PLD5: variants seen among roughly 807,000 people sequenced by gnomAD.
PLD5 encodes the protein phospholipase D family member 5, also known as inactive phospholipase D5.
Under a neutral mutation model 61.1 loss-of-function variants are expected in PLD5, and 36 were observed. The ratio of observed to expected loss-of-function variants is 0.59; its 90% CI spans 0.45 to 0.78. The LOEUF is 0.78. Among genes scored for constraint, PLD5 ranks in the 30% least tolerant of loss-of-function variants. PLD5 has a pLI of 0.00. For synonymous variants in PLD5, 243 were observed against 242.8 expected (o/e 1.00, Z -0.01); for missense variants, 515 against 644.4 (o/e 0.80, Z 2.17).
Position 242,220,033 on chromosome 1 carries a change from G to A in PLD5, c.690C>T (p.His230=), listed in dbSNP as rs751723743. ...QSSFWIVDKQ[H]VYIGSAGLDW... is the part of the protein sequence containing the mutation. ...CCAAACCGGCACTGCCGATATACACGTGCTGTTTGTCCACGATCCAGAAGG... is the reference window on the plus strand; with the variant it reads ...CCAAACCGGCACTGCCGATATACACATGCTGTTTGTCCACGATCCAGAAGG... The change falls in exon 5 of 10, where the codon CAC becomes CAT. Residue 230 remains histidine (H), a synonymous_variant. Transcript: ENST00000536534. 56 of 1,614,044 alleles carry A rather than the reference G, an allele frequency of 3.5e-5. No individual in the cohort carries two copies. Among genetic ancestry groups the A allele is most frequent in the Middle Eastern group, 3.3e-4 (2 of 6,080 alleles).
intron 1 of PLD5, among the ~76,000 whole-genome samples, chr1:242,415,505 A>G (rs1333892793): frequency 6.9e-6 from 1 of 144,032 alleles, no homozygotes; most frequent in Non-Finnish European, 1.5e-5. Flanking sequence ...AGAATAAGCC[A>G]TAAAGATTTT....
At chr1:242,314,668 C>A (rs767951913) in intron 2 of PLD5, among the ~76,000 whole-genome samples, 2 of 152,146 alleles carry the variant, frequency 1.3e-5, no homozygotes, top group Admixed American at 1.3e-4. Context: ...TGGAATAGCT[C>A]TGCTTTTCTG....
At chr1:242,438,264 A>T (rs1438153944) in intron 1 of PLD5, among the ~76,000 whole-genome samples, 70 of 138,760 alleles carry the variant, frequency 5.0e-4, no homozygotes, top group South Asian at 9.4e-4. Flanking sequence ...AGAAAAAAAA[A>T]TTTTTTTTTT....
At chr1:242,158,088 CTTTG>C (rs763257655) in intron 5 of PLD5, among the ~76,000 whole-genome samples, 2 of 152,206 alleles carry the variant, frequency 1.3e-5, no homozygotes, top group Non-Finnish European at 2.9e-5. Flanking sequence ...TTCTGGACAG[CTTTG>C]TTTGTTTACA....
chr1:242,310,000 AGTCTTC>A (rs1327942608), intron 2 of PLD5, among the ~76,000 whole-genome samples: 2 of 151,726 alleles, frequency 1.3e-5, no homozygotes, highest in Non-Finnish European at 2.9e-5. Context: ...GTGGGTTTTC[AGTCTTC>A]ACACTTAAAT....
chr1:242,329,500 A>G (rs1659037112), intron 2 of PLD5, among the ~76,000 whole-genome samples: 2 of 152,154 alleles, frequency 1.3e-5, no homozygotes, highest in Admixed American at 6.6e-5. Flanking sequence ...GCTTCTGGTC[A>G]TCTCCACTCA....
intron 1 of PLD5, among the ~76,000 whole-genome samples, chr1:242,451,872 C>T (rs893542879): frequency 2.0e-5 from 3 of 152,162 alleles, no homozygotes; most frequent in Non-Finnish European, 4.4e-5. Flanking sequence ...CCACCATGCT[C>T]CTGCTAGTAC....
chr1:242,180,893 G>A (rs1667474197), intron 5 of PLD5, among the ~76,000 whole-genome samples: 1 of 152,094 alleles, frequency 6.6e-6, no homozygotes, highest in African/African-American at 2.4e-5. Context: ...TGAGGCAGGA[G>A]GGTCACCTGA....
At chr1:242,300,059 A>G (rs1445238573) in intron 2 of PLD5, among the ~76,000 whole-genome samples, 1 of 152,260 alleles carries the variant, frequency 6.6e-6, no homozygotes, top group Admixed American at 6.5e-5. Context: ...AATGCCAGCC[A>G]GGAAAGCCCC....
intron 1 of PLD5, among the ~76,000 whole-genome samples, chr1:242,389,756 G>T (rs1662815975): frequency 6.6e-6 from 1 of 151,992 alleles, no homozygotes; most frequent in South Asian, 2.1e-4. Flanking sequence ...ATTCATGAGG[G>T]ATTAATAAAC....
At chr1:242,299,231 T>C (rs993196827) in intron 2 of PLD5, among the ~76,000 whole-genome samples, 10 of 152,214 alleles carry the variant, frequency 6.6e-5, no homozygotes, top group Admixed American at 6.5e-4. Flanking sequence ...GAGCACATCA[T>C]GGAGAATGGA....
At position 242,089,364 on chromosome 1, in the gene PLD5, T is replaced by C. The variant is rs1659634636; in HGVS notation, c.*490A>G. 1 of 404,570 alleles carries C rather than the reference T, an allele frequency of 2.5e-6. No individual in the cohort carries two copies. The allele number at this position is 404,570 out of a possible 1,614,324, so 25.1% of individuals were successfully genotyped here. Reference sequence around the variant, plus strand: ...GGGTGTTGAAGGCTGGCATGAGATGTAAGCTATTCATGCTTAGCTGACTGT... The same window carrying C: ...GGGTGTTGAAGGCTGGCATGAGATGCAAGCTATTCATGCTTAGCTGACTGT... On this transcript the variant is annotated 3_prime_UTR_variant, in exon 10 of 10. Transcript: ENST00000536534.
chr1:242,356,682 T>G (rs1467006215), intron 1 of PLD5, among the ~76,000 whole-genome samples: 1 of 151,532 alleles, frequency 6.6e-6, no homozygotes, highest in East Asian at 1.9e-4. Flanking sequence ...GTGTATGGTT[T>G]CCTTAGTGGT....
At chr1:242,398,926 T>TATATC (rs1359493477) in intron 1 of PLD5, among the ~76,000 whole-genome samples, 2 of 152,072 alleles carry the variant, frequency 1.3e-5, no homozygotes, top group Admixed American at 6.6e-5. Flanking sequence ...TGTCCAAAAT[T>TATATC]CTAACAGGAG....
intron 4 of PLD5, among the ~76,000 whole-genome samples, chr1:242,229,828 C>A (rs1671184823): frequency 6.6e-6 from 1 of 151,620 alleles, no homozygotes; most frequent in African/African-American, 2.4e-5. Flanking sequence ...CAAACTGAAG[C>A]AATTTTATTT....
intron 3 of PLD5, among the ~76,000 whole-genome samples, chr1:242,283,420 T>G (rs71650688): frequency 6.3e-4 from 96 of 152,342 alleles, no homozygotes; most frequent in Non-Finnish European, 1.1e-3. Context: ...AAAAGACATC[T>G]GGGCTGCTTT....
In PLD5 at chr1:242,158,801, C is replaced by A. The variant is rs533366001; in HGVS notation, c.736-34136G>T. On this transcript the variant is annotated intron_variant, in intron 5 of 9. Coordinates refer to ENST00000536534, the MANE Select transcript of PLD5 (RefSeq NM_001372062.1). ...GTCTCCTATTTTTTCTTTGTCCTTT[C>A]AGTTTGAGTCATTTCTATTGACCTA... Among the ~76,000 whole-genome samples the A allele has an allele frequency of 2.6e-5, 4 of 151,944 alleles. No individual in the cohort carries two copies. In the South Asian group the frequency reaches 8.3e-4, roughly 32 times the overall value.
At chr1:242,153,447 T>A (rs890449063) in intron 5 of PLD5, among the ~76,000 whole-genome samples, 8 of 151,664 alleles carry the variant, frequency 5.3e-5, no homozygotes, top group African/African-American at 1.2e-4. Context: ...CTGAATGGTA[T>A]CGCCTAGGTT....
At chr1:242,141,513 T>C (rs1351190956) in intron 5 of PLD5, among the ~76,000 whole-genome samples, 1 of 152,182 alleles carries the variant, frequency 6.6e-6, no homozygotes, top group Non-Finnish European at 1.5e-5. Context: ...GATGGGTGCT[T>C]TGGGGACTGG....
Sources: gnomAD v4.1 joint callset for allele counts (sites outside exome capture counted in the v4.1 genomes callset) on GRCh38, gnomAD v4.1.1 for gene constraint, MANE v1.5 for transcripts, NCBI Gene and HGNC (gene_info 2026-07-23, HGNC 2026-07-21) for gene names.